Variants in SLC35A4 observed in about 807,000 individuals in gnomAD.
SLC35A4 encodes the protein probable UDP-sugar transporter protein SLC35A4.
SLC35A4 carries 9 observed loss-of-function variants against 18.8 expected under a neutral mutation model. The observed-to-expected ratio is 0.48, with a 90% CI of 0.29 to 0.83. SLC35A4 has a LOEUF of 0.83. Among genes scored for constraint, SLC35A4 ranks in the 40% least tolerant of loss-of-function variants. SLC35A4 has a pLI of 0.09. For missense variants in SLC35A4, 404 were observed against 415.5 expected, an observed-to-expected ratio of 0.97 and a Z score of 0.24; for synonymous variants, 189 against 191.9, an observed-to-expected ratio of 0.98 and a Z score of 0.13.
rs773001559 is a variant in SLC35A4 at position 140,567,774 on chromosome 5, C to G, written c.605C>G (p.Ser202Trp). 4 of 1,613,924 alleles carry G rather than the reference C, an allele frequency of 2.5e-6. No homozygotes were observed. The Admixed American group carries it at 6.7e-5, about 27-fold the overall frequency. The change falls in exon 3 of 3, where the codon TCG (serine) becomes TGG (tryptophan). Residue 202 changes from serine to tryptophan, a missense_variant. Coordinates refer to ENST00000323146, the MANE Select transcript of SLC35A4 (RefSeq NM_080670.4). The stretch of plus-strand genomic sequence containing the variant: ...CTGTACTGCCTCATCTCAGGCTTGT[C>G]GTCAGTGTACACAGAGCTGCTCATG... ...LILYCLISGL[S>W]SVYTELLMKR...
chr5:140,567,323 T>C lies in SLC35A4; in HGVS notation c.154T>C (p.Ser52Pro). Reference sequence around the variant, plus strand: ...CGGCCGAGTGCCCTTCCGGCCCTCCTCAGCCGTGCTGCTGACTGAGCTGAC... The same window carrying C: ...CGGCCGAGTGCCCTTCCGGCCCTCCCCAGCCGTGCTGCTGACTGAGCTGAC... ...VDGRVPFRPS[S>P]AVLLTELTKL... Residue 52 changes from serine to proline, a missense_variant, in exon 3 of 3, where the codon TCA (serine) becomes CCA (proline). By Grantham distance (74) the Ser-to-Pro change is moderately conservative. Coordinates refer to ENST00000323146, the MANE Select transcript of SLC35A4 (RefSeq NM_080670.4). The C allele has an allele frequency of 1.2e-6, 2 of 1,614,176 alleles. No homozygotes were observed. Among genetic ancestry groups the C allele is most frequent in the Non-Finnish European group, 1.7e-6 (2 of 1,180,014 alleles).
At chr5:140,566,430 A>G in intron 2 of SLC35A4, 135 bp from the exon 3 acceptor site, 2 of 398,298 alleles carry the variant, frequency 5.0e-6, no homozygotes, top group Non-Finnish European at 4.4e-6. Context: ...AACCTTGGGA[A>G]AAATCTGGAG....
chr5:140,565,625 A>G, intron 1 of SLC35A4: 1 of 299,218 alleles, frequency 3.3e-6, no homozygotes. Flanking sequence ...TGCTTGCTAT[A>G]TAAAATTCTT....
chr5:140,566,771 G>T lies in SLC35A4; in HGVS notation c.-399G>T, dbSNP rs1311644325. ...GCAAGGGGCCCGACTAGCTCTAGGTGCCATGGAAGAGGCAGGATGAGCAGC... is the reference window on the plus strand; with the variant it reads ...GCAAGGGGCCCGACTAGCTCTAGGTTCCATGGAAGAGGCAGGATGAGCAGC... On this transcript the variant is annotated 5_prime_UTR_variant, in exon 3 of 3. Coordinates refer to ENST00000323146, the MANE Select transcript of SLC35A4 (RefSeq NM_080670.4). The T allele has an allele frequency of 3.3e-6, 2 of 599,530 alleles. No homozygotes were observed. Among genetic ancestry groups the T allele is most frequent in the Non-Finnish European group, 5.9e-6 (2 of 336,902 alleles). 37.1% of individuals were successfully genotyped at this position (599,530 alleles called of 1,614,324 possible).
In SLC35A4 at chr5:140,567,351, A is replaced by C. The variant is rs1755212971; in HGVS notation, c.182A>C (p.Lys61Thr). The C allele has an allele frequency of 6.2e-7, 1 of 1,614,004 alleles. No individual in the cohort carries two copies. The highest frequency in any genetic ancestry group is 8.5e-7 in the Non-Finnish European group (1 of 1,180,002). The stretch of plus-strand genomic sequence containing the variant: ...GCCGTGCTGCTGACTGAGCTGACCA[A>C]GCTACTGTTATGCGCCTTCTCCCTT... ...SSAVLLTELT[K>T]LLLCAFSLLV... The change falls in exon 3 of 3, where the codon AAG (lysine) becomes ACG (threonine). Residue 61 changes from lysine (K) to threonine (T), a missense_variant. Lys to Thr is a moderately conservative substitution (Grantham distance 78, BLOSUM62 -1). Coordinates refer to ENST00000323146, the MANE Select transcript of SLC35A4 (RefSeq NM_080670.4).
At position 140,567,602 on chromosome 5, in the gene SLC35A4, G is replaced by T; in HGVS notation, c.433G>T (p.Ala145Ser). The T allele has an allele frequency of 6.2e-7, 1 of 1,614,256 alleles. No individual in the cohort carries two copies. Among genetic ancestry groups the T allele is most frequent in the Non-Finnish European group, 8.5e-7 (1 of 1,180,044 alleles). ...RHRLSVRQGLALLLLMAAGAC... is the reference protein window; with the variant it reads ...RHRLSVRQGLSLLLLMAAGAC... ...CCGCCTCTCTGTGCGTCAGGGGTTA[G>T]CGCTGCTGCTGCTGATGGCTGCGGG... The change falls in exon 3 of 3, where the codon GCG (alanine) becomes TCG (serine). Residue 145 changes from alanine to serine, a missense_variant. Coordinates refer to ENST00000323146, the MANE Select transcript of SLC35A4 (RefSeq NM_080670.4).
Position 140,567,324 on chromosome 5 carries a change from C to T in SLC35A4, c.155C>T (p.Ser52Leu). 6.2e-7 allele frequency: 1 copy of T among 1,614,202 alleles called. No individual in the cohort carries two copies. Among genetic ancestry groups the T allele is most frequent in the Non-Finnish European group, 8.5e-7 (1 of 1,180,018 alleles). The change falls in exon 3 of 3, where the codon TCA becomes TTA. Residue 52 changes from serine to leucine, a missense_variant. Coordinates refer to ENST00000323146, the MANE Select transcript of SLC35A4 (RefSeq NM_080670.4). ...VDGRVPFRPS[S>L]AVLLTELTKL... is the part of the protein sequence containing the mutation. ...GGCCGAGTGCCCTTCCGGCCCTCCT[C>T]AGCCGTGCTGCTGACTGAGCTGACC...
At chr5:140,565,104 G>A (rs531451711) in intron 1 of SLC35A4, 2 of 394,476 alleles carry the variant, frequency 5.1e-6, no homozygotes, top group Non-Finnish European at 8.9e-6. Flanking sequence ...TACTAGCACA[G>A]ACTCAAAAAC....
In SLC35A4 at chr5:140,567,792, T is replaced by C; in HGVS notation, c.623T>C (p.Leu208Pro). 6.2e-7 allele frequency: 1 copy of C among 1,614,114 alleles called. No individual in the cohort carries two copies. Among genetic ancestry groups the C allele is most frequent in the Non-Finnish European group, 8.5e-7 (1 of 1,180,042 alleles). The change falls in exon 3 of 3, where the codon CTG becomes CCG. Residue 208 changes from leucine to proline, a missense_variant. Leu to Pro is a moderately conservative substitution (Grantham distance 98, BLOSUM62 -3). Transcript: ENST00000323146. ...GGCTTGTCGTCAGTGTACACAGAGC[T>C]GCTCATGAAGCGACAGCGGCTGCCC... ...ISGLSSVYTE[L>P]LMKRQRLPLA... is the part of the protein sequence containing the mutation.
chr5:140,567,935 G>T lies in SLC35A4; in HGVS notation c.766G>T (p.Val256Leu). 6.2e-7 allele frequency: 1 copy of T among 1,614,192 alleles called. No individual in the cohort carries two copies. The highest frequency in any genetic ancestry group is 8.5e-7 in the Non-Finnish European group (1 of 1,180,030). Reference sequence around the variant, plus strand: ...AGGTTTCTCAGGATGGGCAGCACTCGTGGTGCTGAGCCAGGCACTAAATGG... The same window carrying T: ...AGGTTTCTCAGGATGGGCAGCACTCTTGGTGCTGAGCCAGGCACTAAATGG... ...LEGFSGWAALVVLSQALNGLL... is the reference protein window; with the variant it reads ...LEGFSGWAALLVLSQALNGLL... The change falls in exon 3 of 3, where the codon GTG (valine) becomes TTG (leucine). Residue 256 changes from valine (V) to leucine (L), a missense_variant. By Grantham distance (32) the Val-to-Leu change is conservative (BLOSUM62 1). Coordinates refer to ENST00000323146, the MANE Select transcript of SLC35A4 (RefSeq NM_080670.4).
rs181678496 is a variant in SLC35A4 at position 140,568,450 on chromosome 5, G to C, written c.*306G>C. The C allele has an allele frequency of 2.1e-4, 89 of 428,552 alleles. No individual in the cohort carries two copies. Among genetic ancestry groups the C allele is most frequent in the Middle Eastern group, 2.1e-3 (3 of 1,448 alleles). The allele number at this position is 428,552 out of a possible 1,614,324, so 26.5% of individuals were successfully genotyped here. On this transcript the variant is annotated 3_prime_UTR_variant, in exon 3 of 3. Transcript: ENST00000323146. ...AGGCCTGAGAAATAACCCCATCCTT[G>C]TTGGGCAGCTCCCTGCTTTGTCCTG...
chr5:140,568,033 G>A lies in SLC35A4; in HGVS notation c.864G>A (p.Val288=). The A allele has an allele frequency of 6.2e-7, 1 of 1,614,022 alleles. No homozygotes were observed. Residue 288 remains valine, a synonymous_variant, in exon 3 of 3, where the codon GTG becomes GTA. Coordinates refer to ENST00000323146, the MANE Select transcript of SLC35A4 (RefSeq NM_080670.4). ...TCTTTGTGGTGTCCTGCTCGCTGGTGGTCAACGCCGTGCTCTCAGCAGTCC... is the reference window on the plus strand; with the variant it reads ...TCTTTGTGGTGTCCTGCTCGCTGGTAGTCAACGCCGTGCTCTCAGCAGTCC... The part of the protein sequence containing the change: ...TRLFVVSCSL[V]VNAVLSAVLL...
At chr5:140,566,107 T>A in intron 2 of SLC35A4, 136 bp downstream of exon 2, 2 of 396,212 alleles carry the variant, frequency 5.0e-6, no homozygotes. Context: ...AGGACAATTT[T>A]TCTGAATGGC....
At chr5:140,565,502 TAGCCAAGAC>T (rs1755165062) in intron 1 of SLC35A4, 1 of 163,162 alleles carries the variant, frequency 6.1e-6, no homozygotes, top group Non-Finnish European at 1.3e-5. Context: ...TAGAACATAG[TAGCCAAGAC>T]AGACTGGTCA....
Position 140,568,122 on chromosome 5 carries a change from G to A in SLC35A4, c.953G>A (p.Arg318His), listed in dbSNP as rs539842799. Reference protein sequence around the residue: ...LATLLIGLAMRLYYGSR With the variant: ...LATLLIGLAMHLYYGSR Reference sequence around the variant, plus strand: ...ACATTGCTCATTGGCCTGGCCATGCGCCTGTACTATGGCAGCCGCTAGTCC... The same window carrying A: ...ACATTGCTCATTGGCCTGGCCATGCACCTGTACTATGGCAGCCGCTAGTCC... The change falls in exon 3 of 3, where the codon CGC becomes CAC. Residue 318 changes from arginine (R) to histidine (H), a missense_variant. By Grantham distance (29) the Arg-to-His change is conservative. Coordinates refer to ENST00000323146, the MANE Select transcript of SLC35A4 (RefSeq NM_080670.4). 69 of 1,613,574 alleles carry A rather than the reference G, an allele frequency of 4.3e-5. No individual in the cohort carries two copies. The highest frequency in any genetic ancestry group is 5.3e-5 in the Non-Finnish European group (62 of 1,180,020).
chr5:140,567,779 G>C lies in SLC35A4; in HGVS notation c.610G>C (p.Val204Leu). Residue 204 changes from valine (V) to leucine (L), a missense_variant, in exon 3 of 3, where the codon GTG (valine) becomes CTG (leucine). Physicochemically the swap from Val to Leu is conservative, Grantham distance 32. Coordinates refer to ENST00000323146, the MANE Select transcript of SLC35A4 (RefSeq NM_080670.4). ...CTGCCTCATCTCAGGCTTGTCGTCA[G>C]TGTACACAGAGCTGCTCATGAAGCG... ...LYCLISGLSS[V>L]YTELLMKRQR... 1 of 1,614,104 alleles carries C rather than the reference G, an allele frequency of 6.2e-7. No individual in the cohort carries two copies. The highest frequency in any genetic ancestry group is 8.5e-7 in the Non-Finnish European group (1 of 1,180,038).
In SLC35A4 at chr5:140,566,883, C is replaced by T. The variant is rs1755200629; in HGVS notation, c.-287C>T. ...AACTTTCCTGCCACCTTCATCCTTG[C>T]CTCCCTTCCTGCAGATTGTGGACAG... On this transcript the variant is annotated 5_prime_UTR_variant, in exon 3 of 3. Coordinates refer to ENST00000323146, the MANE Select transcript of SLC35A4 (RefSeq NM_080670.4). 3 of 614,816 alleles carry T rather than the reference C, an allele frequency of 4.9e-6. No homozygotes were observed. The South Asian group carries it at 5.8e-5, about 12-fold the overall frequency. The allele number at this position is 614,816 out of a possible 1,614,324, so 38.1% of individuals were successfully genotyped here.
rs1755241544 is a variant in SLC35A4, at chr5:140,568,250, T to G, written c.*106T>G. ...CTCCCATCAGCAGCCCTGTAACAAGTGCCTTGTGAGAAAAGCTGGAGAAGT... is the reference window on the plus strand; with the variant it reads ...CTCCCATCAGCAGCCCTGTAACAAGGGCCTTGTGAGAAAAGCTGGAGAAGT... On this transcript the variant is annotated 3_prime_UTR_variant, in exon 3 of 3. Coordinates refer to ENST00000323146, the MANE Select transcript of SLC35A4 (RefSeq NM_080670.4). 6 of 1,560,544 alleles carry G rather than the reference T, an allele frequency of 3.8e-6. No homozygotes were observed. In the East Asian group the frequency reaches 1.4e-4, roughly 35 times the overall value.
chr5:140,566,784 C>T lies in SLC35A4; in HGVS notation c.-386C>T. 3 of 599,292 alleles carry T rather than the reference C, an allele frequency of 5.0e-6. No homozygotes were observed. The highest frequency in any genetic ancestry group is 8.9e-6 in the Non-Finnish European group (3 of 336,556). The allele number at this position is 599,292 out of a possible 1,614,324, so 37.1% of individuals were successfully genotyped here. ...CTAGCTCTAGGTGCCATGGAAGAGG[C>T]AGGATGAGCAGCTCAGCCTTCAGGT... On this transcript the variant is annotated 5_prime_UTR_variant, in exon 3 of 3. Coordinates refer to ENST00000323146, the MANE Select transcript of SLC35A4 (RefSeq NM_080670.4).
Sources: allele counts gnomAD v4.1 joint callset, GRCh38; gene constraint gnomAD v4.1.1; transcripts MANE v1.5; gene names NCBI Gene and HGNC (gene_info 2026-07-23, HGNC 2026-07-21).